CHPT1: variants seen among roughly 807,000 people sequenced by gnomAD.
The protein encoded by CHPT1 is cholinephosphotransferase 1.
Under a neutral mutation model 47.6 loss-of-function variants are expected in CHPT1, and 36 were observed. That is an observed-to-expected ratio of 0.76 (90% confidence interval 0.58 to 1.00). CHPT1 has a LOEUF of 1.00. CHPT1 is among the 50% of genes least tolerant of loss of function. The pLI is 0.00. For synonymous variants in CHPT1, 194 were observed against 186.3 expected, an observed-to-expected ratio of 1.04 and a Z score of -0.33; for missense variants, 458 against 498.1, an observed-to-expected ratio of 0.92 and a Z score of 0.77.
chr12:101,727,734 A>G (rs1216274768), intron 8 of CHPT1: 1 of 152,206 alleles, frequency 6.6e-6, no homozygotes, highest in Non-Finnish European at 1.5e-5. Flanking sequence ...TTCTAATAAT[A>G]TATACTTTGG....
intron 1 of CHPT1, among the ~76,000 whole-genome samples, chr12:101,703,540 G>T (rs1017173510): frequency 6.6e-6 from 1 of 152,286 alleles, no homozygotes; most frequent in East Asian, 1.9e-4. Context: ...TCAAATGCTG[G>T]TTCCTAAACT....
At chr12:101,713,991 A>C in intron 1 of CHPT1, 99 bp from the exon 2 acceptor site, 1 of 682,598 alleles carries the variant, frequency 1.5e-6, no homozygotes, top group Non-Finnish European at 2.4e-6. Flanking sequence ...TGTTCTTTAT[A>C]ACACACGGGG....
intron 1 of CHPT1, among the ~76,000 whole-genome samples, chr12:101,713,847 A>G (rs79519995): frequency 0.042 from 6,428 of 152,240 alleles, 144 homozygotes; most frequent in African/African-American, 0.047. Flanking sequence ...CAAGATCAGG[A>G]TCCTAATCCT....
chr12:101,698,806 G>T (rs1415967561), intron 1 of CHPT1, among the ~76,000 whole-genome samples: 1 of 152,198 alleles, frequency 6.6e-6, no homozygotes, highest in Non-Finnish European at 1.5e-5. Context: ...AAAATAAGGA[G>T]TAAATATAGG....
At chr12:101,727,862 T>TATC (rs1257119416) in intron 8 of CHPT1, 16 of 152,226 alleles carry the variant, frequency 1.1e-4, no homozygotes, top group African/African-American at 2.9e-4. Flanking sequence ...AGAAAAAGTT[T>TATC]ATCTGTAGGC....
At position 101,697,800 on chromosome 12, in the gene CHPT1, C is replaced by T. The variant is rs533713786; in HGVS notation, c.-62C>T. 81 of 617,678 alleles carry T rather than the reference C, an allele frequency of 1.3e-4. No homozygotes were observed. The African/African-American group carries it at 1.5e-3, about 11-fold the overall frequency. The allele number at this position is 617,678 out of a possible 1,614,324, so 38.3% of individuals were successfully genotyped here. A position where few individuals can be genotyped will look rare whatever the true frequency, so the allele number is the denominator to read the frequency against. On this transcript the variant is annotated 5_prime_UTR_variant, in exon 1 of 9. Transcript: ENST00000229266. ...GCCGCCAGCCTCTCCCTCCACCTCTCCCTGCCCCCAGCGCCAGGCGCGGGC... is the reference window on the plus strand; with the variant it reads ...GCCGCCAGCCTCTCCCTCCACCTCTTCCTGCCCCCAGCGCCAGGCGCGGGC...
At position 101,726,423 on chromosome 12, in the gene CHPT1, T is replaced by C; in HGVS notation, c.1176+19T>C. ...TGAACAGGTTCACAAGCATATTGACTGACTAATAGCCCAAGGAAAAGAGGA... is the reference window on the plus strand; with the variant it reads ...TGAACAGGTTCACAAGCATATTGACCGACTAATAGCCCAAGGAAAAGAGGA... On this transcript the variant is annotated intron_variant, in intron 8 of 8. Transcript: ENST00000229266. 6.3e-7 allele frequency: 1 copy of C among 1,596,610 alleles called. No individual in the cohort carries two copies. Among genetic ancestry groups the C allele is most frequent in the Non-Finnish European group, 8.5e-7 (1 of 1,170,442 alleles).
At chr12:101,702,827 G>A (rs150084448) in intron 1 of CHPT1, among the ~76,000 whole-genome samples, 2 of 152,126 alleles carry the variant, frequency 1.3e-5, no homozygotes, top group African/African-American at 4.8e-5. Context: ...CCAGGAGATA[G>A]AAGCAGGGAG....
intron 3 of CHPT1, 58 bp from the exon 4 acceptor site, chr12:101,716,670 C>T: frequency 9.3e-7 from 1 of 1,071,028 alleles, no homozygotes; most frequent in Non-Finnish European, 1.4e-6. Flanking sequence ...TGATGAACCT[C>T]CATATTCAGG....
At chr12:101,698,946 T>C (rs1351820874) in intron 1 of CHPT1, among the ~76,000 whole-genome samples, 1 of 152,252 alleles carries the variant, frequency 6.6e-6, no homozygotes, top group Non-Finnish European at 1.5e-5. Flanking sequence ...TCTGTGACAT[T>C]ACTTTCTATT....
chr12:101,709,935 C>T (rs1951684250), intron 1 of CHPT1, among the ~76,000 whole-genome samples: 1 of 148,848 alleles, frequency 6.7e-6, no homozygotes, highest in Non-Finnish European at 1.5e-5. Context: ...AAGTGCTTGC[C>T]TTGATGTAAA....
At position 101,714,232 on chromosome 12, in the gene CHPT1, C is replaced by G; in HGVS notation, c.416C>G (p.Ser139Cys). 6.3e-7 allele frequency: 1 copy of G among 1,585,230 alleles called. No homozygotes were observed. Among genetic ancestry groups the G allele is most frequent in the Non-Finnish European group, 8.5e-7 (1 of 1,170,654 alleles). ...TTTGACCATGGCTGTGACTCTCTTT[C>G]CACAGGTAAATTAGTGGAGTTTTTT... ...ELFDHGCDSL[S>C]TVFMAVGASI... Residue 139 changes from serine to cysteine, a missense_variant, in exon 2 of 9, where the codon TCC becomes TGC. Transcript: ENST00000229266.
chr12:101,729,039 A>G lies in CHPT1; in HGVS notation c.*94A>G, dbSNP rs1323056201. ...TAATTTTTATTTAAGTGTTATACCT[A>G]TTTCAGCAAATAAAATATTTCATTG... On this transcript the variant is annotated 3_prime_UTR_variant, in exon 9 of 9. Transcript: ENST00000229266. 1 of 1,609,030 alleles carries G rather than the reference A, an allele frequency of 6.2e-7. No individual in the cohort carries two copies. Among genetic ancestry groups the G allele is most frequent in the Non-Finnish European group, 8.5e-7 (1 of 1,176,242 alleles).
At chr12:101,710,217 G>T (rs1951687274) in intron 1 of CHPT1, among the ~76,000 whole-genome samples, 1 of 148,422 alleles carries the variant, frequency 6.7e-6, no homozygotes, top group Non-Finnish European at 1.5e-5. Flanking sequence ...GTGGTGGCGT[G>T]CGCCTGTAAT....
intron 4 of CHPT1, among the ~76,000 whole-genome samples, chr12:101,719,156 G>GAAAAAAAA (rs779382436): frequency 6.3e-5 from 6 of 95,016 alleles, no homozygotes; most frequent in Non-Finnish European, 8.2e-5. Context: ...CTCGTCTCAA[G>GAAAAAAAA]AAAAAAAAAA....
chr12:101,715,563 G>T (rs540717700), intron 3 of CHPT1, among the ~76,000 whole-genome samples: 10 of 151,680 alleles, frequency 6.6e-5, no homozygotes, highest in South Asian at 6.2e-4. Context: ...CATTTATCCC[G>T]TAAGGTGGGT....
chr12:101,698,082 A>G lies in CHPT1; in HGVS notation c.221A>G (p.Asn74Ser), dbSNP rs760287232. Residue 74 changes from asparagine (N) to serine (S), a missense_variant, in exon 1 of 9, where the codon AAC becomes AGC. Physicochemically the swap from Asn to Ser is conservative, Grantham distance 46. Coordinates refer to ENST00000229266, the MANE Select transcript of CHPT1 (RefSeq NM_020244.3). ...NSITLLGLAV[N>S]VVTTLVLISY... ...ATCACCCTGCTGGGGCTCGCCGTCA[A>G]CGTGGTCACCACGCTCGTGCTCATC... is the stretch of plus-strand genomic sequence containing the variant. 10 of 1,567,234 alleles carry G rather than the reference A, an allele frequency of 6.4e-6. No individual in the cohort carries two copies. In the Admixed American group the frequency reaches 1.2e-4, roughly 19 times the overall value.
At chr12:101,714,717 A>G in intron 3 of CHPT1, 72 bp downstream of exon 3, 1 of 1,446,702 alleles carries the variant, frequency 6.9e-7, no homozygotes, top group Non-Finnish European at 9.3e-7. Flanking sequence ...TATGTCATTC[A>G]TCGATAATAA....
At chr12:101,726,614 T>C in intron 8 of CHPT1, 1 of 618,692 alleles carries the variant, frequency 1.6e-6, no homozygotes, top group South Asian at 4.8e-5. Flanking sequence ...ATCACAGATG[T>C]TCTCAGAATT....
Sources: allele counts gnomAD v4.1 joint callset (sites outside exome capture counted in the v4.1 genomes callset), GRCh38; gene constraint gnomAD v4.1.1; transcripts MANE v1.5; gene names NCBI Gene and HGNC (gene_info 2026-07-23, HGNC 2026-07-21).